Variants in LARGE1 observed in about 807,000 individuals in gnomAD.
LARGE1 encodes LARGE xylosyl- and glucuronyltransferase 1.
Under a neutral mutation model 87.6 loss-of-function variants are expected in LARGE1, and 43 were observed. The observed-to-expected ratio is 0.49, with a 90% confidence interval of 0.38 to 0.63. The LOEUF (loss-of-function observed/expected upper bound fraction) is 0.63. Among genes scored for constraint, LARGE1 ranks in the 30% least tolerant of loss-of-function variants. The pLI, the probability that LARGE1 is intolerant of heterozygous loss-of-function variation, is 0.00. For synonymous variants in LARGE1, 434 were observed against 394.6 expected (o/e 1.10, Z -1.18); for missense variants, 802 against 1,000.2 (o/e 0.80, Z 2.67).
intron 9 of LARGE1, among the ~76,000 whole-genome samples, chr22:33,341,679 A>C (rs1347267020): frequency 6.6e-6 from 1 of 152,220 alleles, no homozygotes; most frequent in African/African-American, 2.4e-5. Flanking sequence ...AGCCAGAGTA[A>C]GAACTATGAA....
chr22:33,648,389 G>A (rs1036746579), intron 3 of LARGE1, among the ~76,000 whole-genome samples: 3 of 151,566 alleles, frequency 2.0e-5, no homozygotes, highest in South Asian at 4.2e-4. Context: ...TCCCCTCCTC[G>A]ATTCTTATTT....
At chr22:33,679,203 A>G (rs969703773) in intron 2 of LARGE1, among the ~76,000 whole-genome samples, 1 of 152,220 alleles carries the variant, frequency 6.6e-6, no homozygotes, top group Non-Finnish European at 1.5e-5. Flanking sequence ...TATTCAATCA[A>G]TGAACAATGA....
intron 1 of LARGE1, among the ~76,000 whole-genome samples, chr22:33,916,375 C>T (rs184688870): frequency 4.9e-4 from 74 of 152,316 alleles, no homozygotes; most frequent in African/African-American, 1.5e-3. Flanking sequence ...TCTGTAACCT[C>T]CACACAGAGC....
At chr22:33,106,549 G>A in the LARGE1 span, among the ~76,000 whole-genome samples, 31 of 151,638 alleles carry the variant, frequency 2.0e-4, 2 homozygotes, top group Non-Finnish European at 2.9e-5. Flanking sequence ...AGGCTGGAGT[G>A]CAGTGGCACG....
chr22:33,787,948 G>T (rs542763204), intron 1 of LARGE1, among the ~76,000 whole-genome samples: 74 of 152,296 alleles, frequency 4.9e-4, no homozygotes, highest in Middle Eastern at 3.4e-3. Flanking sequence ...GTCTTAAGAA[G>T]ATGTGGCCAA....
chr22:33,267,412 G>C (rs79733193), intron 11 of LARGE1, among the ~76,000 whole-genome samples: 1 of 151,622 alleles, frequency 6.6e-6, no homozygotes, highest in Non-Finnish European at 1.5e-5. Flanking sequence ...GTTGTCAAAG[G>C]ACAGGATTAC....
chr22:33,312,489 A>T (rs187152945), intron 11 of LARGE1, among the ~76,000 whole-genome samples: 1 of 151,972 alleles, frequency 6.6e-6, no homozygotes, highest in East Asian at 1.9e-4. Context: ...AAACAAAGTG[A>T]CAGGGCAACA....
chr22:33,329,462 T>C (rs544789200), intron 10 of LARGE1, among the ~76,000 whole-genome samples: 2 of 152,042 alleles, frequency 1.3e-5, no homozygotes, highest in South Asian at 4.2e-4. Context: ...GTTGGCTGCC[T>C]TGGAAAGAAG....
intron 2 of LARGE1, among the ~76,000 whole-genome samples, chr22:33,747,200 A>G (rs2084120619): frequency 6.6e-6 from 1 of 152,098 alleles, no homozygotes; most frequent in South Asian, 2.1e-4. Context: ...GAAAGGACTA[A>G]GCTTCCCGAG....
At chr22:33,205,720 T>C (rs890333604) in intron 11 of LARGE1, among the ~76,000 whole-genome samples, 1 of 152,180 alleles carries the variant, frequency 6.6e-6, no homozygotes, top group East Asian at 1.9e-4. Context: ...TGGAGAGTCA[T>C]TGATTTAGTA....
At position 33,728,576 on chromosome 22, in the gene LARGE1, A is replaced by AAAAAAAC. The variant is rs56192894; in HGVS notation, c.106+32794_106+32795insGTTTTTT. 1.8e-3 allele frequency among the ~76,000 whole-genome samples: 191 copies of AAAAAAAC among 103,756 alleles called. 26 individuals are homozygous for AAAAAAAC. The highest frequency in any genetic ancestry group is 7.3e-3 in the South Asian group (20 of 2,742). 68.1% of individuals were successfully genotyped at this position (103,756 alleles called of 152,430 possible). On this transcript the variant is annotated intron_variant, in intron 2 of 14. Transcript: ENST00000397394. Reference sequence around the variant, plus strand: ...CAAAAAAAAAAAAAAAAAAAAAAAAAAAACCAACAACAGAGACACATTTCC... The same window carrying AAAAAAAC: ...CAAAAAAAAAAAAAAAAAAAAAAAAAAAAAAACAAACCAACAACAGAGACACATTTCC...
chr22:33,765,478 C>A (rs1275303795), intron 1 of LARGE1, among the ~76,000 whole-genome samples: 1 of 151,802 alleles, frequency 6.6e-6, no homozygotes, highest in Non-Finnish European at 1.5e-5. Flanking sequence ...CTGAGGCGGG[C>A]GGATCACCTG....
In LARGE1 at chr22:33,273,268, A is replaced by G. The variant is rs1352039724; in HGVS notation, c.*1159T>C. 90 of 397,646 alleles carry G rather than the reference A, an allele frequency of 2.3e-4. No homozygotes were observed. The allele number at this position is 397,646 out of a possible 1,614,324, so 24.6% of individuals were successfully genotyped here. ...GTCTCCTCAATCTGTGTGAAGGTGA[A>G]GGTGGTTGCCTACCCTTGGACAGGT... On this transcript the variant is annotated 3_prime_UTR_variant, in exon 15 of 15. Transcript: ENST00000397394.
chr22:33,474,855 C>T (rs2069003057), intron 6 of LARGE1, among the ~76,000 whole-genome samples: 1 of 152,144 alleles, frequency 6.6e-6, no homozygotes, highest in African/African-American at 2.4e-5. Context: ...TGGCAATGCT[C>T]CTGCATCCAA....
chr22:33,094,362 A>C, the LARGE1 span, among the ~76,000 whole-genome samples: 1 of 151,734 alleles, frequency 6.6e-6, no homozygotes, highest in South Asian at 2.1e-4. Context: ...CCTCCCTTTC[A>C]ACTCCAATTC....
intron 6 of LARGE1, 23 bp downstream of exon 6, chr22:33,564,825 A>G: frequency 1.2e-6 from 2 of 1,613,922 alleles, no homozygotes; most frequent in Non-Finnish European, 1.7e-6. Context: ...ATATCGGGGA[A>G]AAAACGAATG....
At chr22:33,667,595 A>T (rs2081304057) in intron 2 of LARGE1, among the ~76,000 whole-genome samples, 1 of 152,210 alleles carries the variant, frequency 6.6e-6, no homozygotes, top group South Asian at 2.1e-4. Flanking sequence ...CATTCGAAAG[A>T]CAGAAGCAGA....
At chr22:33,733,557 G>C in intron 2 of LARGE1, 1 of 152,288 alleles carries the variant, frequency 6.6e-6, no homozygotes, top group East Asian at 1.9e-4. Context: ...ATTTGCATTT[G>C]AAACTTTGAG....
intron 11 of LARGE1, among the ~76,000 whole-genome samples, chr22:33,189,251 C>T (rs931864821): frequency 6.6e-6 from 1 of 152,178 alleles, no homozygotes; most frequent in African/African-American, 2.4e-5. Flanking sequence ...GAGGCAAATG[C>T]ATACAATGCT....
Sources: allele counts gnomAD v4.1 joint callset (sites outside exome capture counted in the v4.1 genomes callset), GRCh38; gene constraint gnomAD v4.1.1; transcripts MANE v1.5; gene names NCBI Gene and HGNC (gene_info 2026-07-23, HGNC 2026-07-21).